Variants in SOX6 observed in about 807,000 individuals in gnomAD.
The protein encoded by SOX6 is transcription factor SOX-6.
In SOX6, 11 loss-of-function variants were observed where a neutral mutation model predicts 97.8. The observed-to-expected ratio is 0.11, with a 90% CI of 0.07 to 0.19. SOX6 has a LOEUF of 0.19. SOX6 is among the 10% of genes least tolerant of loss of function. The pLI is 1.00. For missense variants in SOX6, 810 were observed against 1,039.5 expected (o/e 0.78, Z 3.04); for synonymous variants, 360 against 371.4 (o/e 0.97, Z 0.35).
intron 3 of SOX6, among the ~76,000 whole-genome samples, chr11:16,302,415 G>C (rs1003955284): frequency 1.3e-4 from 19 of 151,946 alleles, no homozygotes; most frequent in African/African-American, 4.6e-4. Flanking sequence ...TGTACATGCT[G>C]TTCTCTCTAC....
At chr11:16,014,868 A>C (rs948054035) in intron 13 of SOX6, 74 bp downstream of exon 13, 1 of 1,380,442 alleles carries the variant, frequency 7.2e-7, no homozygotes, top group Non-Finnish European at 1.0e-6. Flanking sequence ...AACTATAAAG[A>C]TCCTATATCT....
At chr11:16,071,894 G>C (rs1848233226) in intron 9 of SOX6, among the ~76,000 whole-genome samples, 1 of 150,250 alleles carries the variant, frequency 6.7e-6, no homozygotes, top group Non-Finnish European at 1.5e-5. Flanking sequence ...CAACCCCCAA[G>C]GGCATCTAAG....
In SOX6 at chr11:15,980,841, T is replaced by C. The variant is rs534193961; in HGVS notation, c.2183+5363A>G. Among the ~76,000 whole-genome samples, 5 of 152,184 alleles carry C rather than the reference T, an allele frequency of 3.3e-5. No individual in the cohort carries two copies. In the South Asian group the frequency reaches 8.3e-4, roughly 25 times the overall value. On this transcript the variant is annotated intron_variant, in intron 15 of 15. Transcript: ENST00000683767. Reference sequence around the variant, plus strand: ...AAATGAAGATTAGTAGTTCATTAAATGTTATATGCAGTGCTGTGCCATGTC... The same window carrying C: ...AAATGAAGATTAGTAGTTCATTAAACGTTATATGCAGTGCTGTGCCATGTC...
chr11:16,053,676 T>C (rs1847741379), intron 10 of SOX6, among the ~76,000 whole-genome samples: 1 of 152,182 alleles, frequency 6.6e-6, no homozygotes, highest in Non-Finnish European at 1.5e-5. Flanking sequence ...ATGTTGACAG[T>C]TATAGTAGAC....
At chr11:16,670,152 G>C (rs1159468089) in intron 3 of SOX6, among the ~76,000 whole-genome samples, 2 of 152,120 alleles carry the variant, frequency 1.3e-5, no homozygotes, top group Non-Finnish European at 2.9e-5. Flanking sequence ...GTTTCCCTGG[G>C]GAGAGGATCC....
At chr11:16,205,941 C>T (rs1431764014) in intron 4 of SOX6, among the ~76,000 whole-genome samples, 1 of 151,700 alleles carries the variant, frequency 6.6e-6, no homozygotes, top group Non-Finnish European at 1.5e-5. Flanking sequence ...GGTTACAATG[C>T]TAGAAATAGT....
chr11:16,512,708 C>T (rs920438671), intron 4 of SOX6, among the ~76,000 whole-genome samples: 1 of 152,150 alleles, frequency 6.6e-6, no homozygotes, highest in African/African-American at 2.4e-5. Flanking sequence ...GAAAAAATTA[C>T]TGACACACTA....
chr11:16,265,084 G>A (rs1854037585), intron 3 of SOX6, among the ~76,000 whole-genome samples: 1 of 151,840 alleles, frequency 6.6e-6, no homozygotes, highest in Admixed American at 6.6e-5. Flanking sequence ...AAAAGACTTA[G>A]GTGGCTAGAA....
intron 6 of SOX6, among the ~76,000 whole-genome samples, chr11:16,172,376 T>A (rs1851063133): frequency 6.6e-6 from 1 of 152,104 alleles, no homozygotes; most frequent in Non-Finnish European, 1.5e-5. Flanking sequence ...TGTCACTGGC[T>A]GCAGAAATGT....
Position 15,972,766 on chromosome 11 carries a change from G to A in SOX6, c.*43C>T. The A allele has an allele frequency of 6.2e-7, 1 of 1,601,926 alleles. No individual in the cohort carries two copies. Among genetic ancestry groups the A allele is most frequent in the Non-Finnish European group, 8.6e-7 (1 of 1,169,190 alleles). On this transcript the variant is annotated 3_prime_UTR_variant, in exon 16 of 16. Coordinates refer to ENST00000683767, the MANE Select transcript of SOX6 (RefSeq NM_001367873.1). ...TTTAATAACTCTTTGTTGGGGAGGG[G>A]GGTGAAATGTCAGAGTACTTTAATT...
chr11:15,991,171 T>C (rs1388349829), intron 13 of SOX6, among the ~76,000 whole-genome samples: 1 of 152,204 alleles, frequency 6.6e-6, no homozygotes, highest in Non-Finnish European at 1.5e-5. Flanking sequence ...ACATGAAAAG[T>C]CTTAGATCCC....
chr11:16,411,230 T>C (rs1212089122), intron 1 of SOX6, among the ~76,000 whole-genome samples: 1 of 152,170 alleles, frequency 6.6e-6, no homozygotes, highest in Admixed American at 6.5e-5. Flanking sequence ...CTATTCCAAA[T>C]GTGCTGTTGT....
At chr11:16,143,196 T>C (rs933687678) in intron 6 of SOX6, among the ~76,000 whole-genome samples, 6 of 152,190 alleles carry the variant, frequency 3.9e-5, no homozygotes, top group Middle Eastern at 3.2e-3. Flanking sequence ...GGGCCAATAT[T>C]CAACATTCTT....
At chr11:16,686,409 T>C (rs551052107) in intron 3 of SOX6, among the ~76,000 whole-genome samples, 1 of 152,310 alleles carries the variant, frequency 6.6e-6, no homozygotes, top group African/African-American at 2.4e-5. Flanking sequence ...GCTTAGAAAT[T>C]TCTTCTGCCA....
intron 2 of SOX6, among the ~76,000 whole-genome samples, chr11:16,731,400 G>C (rs1445396432): frequency 6.6e-6 from 1 of 152,114 alleles, no homozygotes; most frequent in Non-Finnish European, 1.5e-5. Context: ...TATTCACCAC[G>C]ATCAAGTCAG....
chr11:16,724,484 TAA>T (rs72425242), intron 2 of SOX6, among the ~76,000 whole-genome samples: 164 of 147,866 alleles, frequency 1.1e-3, no homozygotes, highest in East Asian at 1.4e-3. Context: ...CTGTAGGCTT[TAA>T]AAAAAAAAAA....
At chr11:16,288,441 A>T (rs1388590231) in intron 3 of SOX6, among the ~76,000 whole-genome samples, 1 of 152,034 alleles carries the variant, frequency 6.6e-6, no homozygotes, top group East Asian at 1.9e-4. Context: ...TTACAAGGGC[A>T]TTAGATATAC....
chr11:16,734,730 C>T (rs903846728), intron 2 of SOX6, among the ~76,000 whole-genome samples: 12 of 152,098 alleles, frequency 7.9e-5, no homozygotes, highest in Admixed American at 7.2e-4. Context: ...CTAACCTCAC[C>T]GATTCATATA....
At chr11:16,686,648 A>G (rs573491773) in intron 3 of SOX6, among the ~76,000 whole-genome samples, 14 of 152,322 alleles carry the variant, frequency 9.2e-5, no homozygotes, top group Non-Finnish European at 1.8e-4. Context: ...AAGAAGTTAT[A>G]AACTTTCCCT....
Sources: allele counts gnomAD v4.1 joint callset (sites outside exome capture counted in the v4.1 genomes callset), GRCh38; gene constraint gnomAD v4.1.1; transcripts MANE v1.5; gene names NCBI Gene and HGNC (gene_info 2026-07-23, HGNC 2026-07-21).